SHC3: variants seen among roughly 807,000 people sequenced by gnomAD.
SHC3 encodes the protein SHC adaptor protein 3.
SHC3 carries 15 observed loss-of-function variants against 60.4 expected under a neutral mutation model. The ratio of observed to expected loss-of-function variants is 0.25; its 90% confidence interval spans 0.17 to 0.38. The LOEUF is 0.38. SHC3 is among the 10% of genes least tolerant of loss of function. The probability of loss-of-function intolerance (pLI) is 1.00; values close to 1 mark genes in which losing one functional copy is unlikely to be tolerated. For synonymous variants in SHC3, 294 were observed against 325.9 expected (o/e 0.90, Z 1.05); for missense variants, 677 against 786.1 (o/e 0.86, Z 1.66).
chr9:89,167,424 C>T (rs372218754), intron 1 of SHC3, among the ~76,000 whole-genome samples: 1 of 152,142 alleles, frequency 6.6e-6, no homozygotes, highest in Admixed American at 6.5e-5. Flanking sequence ...AGGGGAGAGG[C>T]GGGCTGACCA....
chr9:89,071,132 A>G, intron 5 of SHC3, 67 bp downstream of exon 5: 1 of 1,483,414 alleles, frequency 6.7e-7, no homozygotes, highest in South Asian at 1.2e-5. Context: ...AAGGCATATT[A>G]TTGAAGCAGG....
At chr9:89,130,217 T>C (rs1396144017) in intron 1 of SHC3, among the ~76,000 whole-genome samples, 5 of 152,220 alleles carry the variant, frequency 3.3e-5, no homozygotes, top group Admixed American at 6.5e-5. Flanking sequence ...AAGAGCTAAC[T>C]ATCCTAAATA....
chr9:89,164,322 C>A (rs1331548863), intron 1 of SHC3, among the ~76,000 whole-genome samples: 1 of 152,076 alleles, frequency 6.6e-6, no homozygotes, highest in Non-Finnish European at 1.5e-5. Context: ...AGAGGCAGGA[C>A]AGAACTGTTT....
chr9:89,055,192 G>A (rs1824929079), intron 6 of SHC3, among the ~76,000 whole-genome samples: 1 of 152,236 alleles, frequency 6.6e-6, no homozygotes, highest in Non-Finnish European at 1.5e-5. Context: ...TGAATGAGAA[G>A]GCAGTACCTA....
intron 7 of SHC3, among the ~76,000 whole-genome samples, chr9:89,049,011 C>T (rs1324808616): frequency 6.6e-6 from 1 of 152,218 alleles, no homozygotes; most frequent in Non-Finnish European, 1.5e-5. Context: ...CCTGTAATCC[C>T]AGCACTTTGG....
At chr9:89,165,526 C>CAA (rs35567194) in intron 1 of SHC3, among the ~76,000 whole-genome samples, 65,341 of 120,896 alleles carry the variant, frequency 0.54, 18,350 homozygotes, top group East Asian at 0.75. Flanking sequence ...ATCATCAAGG[C>CAA]AAAAAAAAAA....
intron 2 of SHC3, among the ~76,000 whole-genome samples, chr9:89,106,333 G>T (rs994679362): frequency 4.6e-5 from 7 of 152,228 alleles, no homozygotes; most frequent in Non-Finnish European, 1.5e-5. Flanking sequence ...AGTCAGACAT[G>T]GGAGCCAAGT....
intron 6 of SHC3, 86 bp downstream of exon 6, chr9:89,065,443 G>T: frequency 7.3e-7 from 1 of 1,362,784 alleles, no homozygotes; most frequent in Non-Finnish European, 1.0e-6. Context: ...GTTGGGAGGG[G>T]GCTGAGATAA....
In SHC3 at chr9:89,112,643, T is replaced by C. The variant is rs1825966789; in HGVS notation, c.475-17A>G. 1.3e-6 allele frequency: 2 copies of C among 1,576,016 alleles called. No individual in the cohort carries two copies. Among genetic ancestry groups the C allele is most frequent in the Non-Finnish European group, 1.7e-6 (2 of 1,164,514 alleles). On this transcript the variant is annotated splice_polypyrimidine_tract_variant and intron_variant, in intron 1 of 11. Transcript: ENST00000375835. ...CCCCAAGTACTGCAAGGGGAAAAAATGTAAATCGTGAGCCCTGAGATTTGA... is the reference window on the plus strand; with the variant it reads ...CCCCAAGTACTGCAAGGGGAAAAAACGTAAATCGTGAGCCCTGAGATTTGA...
intron 1 of SHC3, among the ~76,000 whole-genome samples, chr9:89,163,553 A>G (rs1376183726): frequency 3.2e-5 from 4 of 126,770 alleles, no homozygotes; most frequent in Non-Finnish European, 6.3e-5. Context: ...ATGAGATCAC[A>G]TGGACACAGG....
At chr9:89,172,122 T>C (rs748974057) in intron 1 of SHC3, among the ~76,000 whole-genome samples, 1 of 152,252 alleles carries the variant, frequency 6.6e-6, no homozygotes, top group Non-Finnish European at 1.5e-5. Flanking sequence ...GCATGGCCTG[T>C]AACCATGGAA....
At chr9:89,167,946 G>T (rs1038391772) in intron 1 of SHC3, among the ~76,000 whole-genome samples, 1 of 152,146 alleles carries the variant, frequency 6.6e-6, no homozygotes, top group Non-Finnish European at 1.5e-5. Context: ...CCACCTCGAG[G>T]GACCATATCA....
chr9:89,048,031 G>T (rs1824801316), intron 7 of SHC3, among the ~76,000 whole-genome samples: 1 of 152,250 alleles, frequency 6.6e-6, no homozygotes, highest in East Asian at 1.9e-4. Flanking sequence ...AGATCATGAG[G>T]TCAGGAGTTC....
intron 1 of SHC3, among the ~76,000 whole-genome samples, chr9:89,164,679 G>A (rs1415463597): frequency 6.6e-6 from 1 of 151,858 alleles, no homozygotes; most frequent in Non-Finnish European, 1.5e-5. Context: ...TACAGAAAAA[G>A]GTGAAAAATG....
chr9:89,125,722 C>T (rs530455872), intron 1 of SHC3, among the ~76,000 whole-genome samples: 2 of 152,294 alleles, frequency 1.3e-5, no homozygotes, highest in East Asian at 3.9e-4. Flanking sequence ...TACATTCCCA[C>T]CAGCGCCATG....
chr9:89,160,574 T>G (rs1240186300), intron 1 of SHC3, among the ~76,000 whole-genome samples: 5 of 152,214 alleles, frequency 3.3e-5, no homozygotes, highest in African/African-American at 1.2e-4. Flanking sequence ...TTCTTTTTCA[T>G]AAATCCATGT....
At chr9:89,176,283 G>A (rs1042090528) in intron 1 of SHC3, among the ~76,000 whole-genome samples, 5 of 152,202 alleles carry the variant, frequency 3.3e-5, no homozygotes, top group Admixed American at 6.5e-5. Context: ...ACGCAGAGCC[G>A]TCTTATTTTC....
chr9:89,131,886 A>G (rs546369531), intron 1 of SHC3, among the ~76,000 whole-genome samples: 2 of 152,264 alleles, frequency 1.3e-5, no homozygotes, highest in African/African-American at 2.4e-5. Flanking sequence ...CCTATTCAAC[A>G]TAGTGTTGGA....
intron 11 of SHC3, among the ~76,000 whole-genome samples, chr9:89,036,116 G>A (rs1268865131): frequency 6.6e-6 from 1 of 152,016 alleles, no homozygotes; most frequent in Non-Finnish European, 1.5e-5. Context: ...TTGATGAAGA[G>A]TATCACAGAC....
Sources: allele counts gnomAD v4.1 joint callset (sites outside exome capture counted in the v4.1 genomes callset), GRCh38; gene constraint gnomAD v4.1.1; transcripts MANE v1.5; gene names NCBI Gene and HGNC (gene_info 2026-07-23, HGNC 2026-07-21).